DENND4C: variants seen among roughly 807,000 people sequenced by gnomAD.
DENND4C encodes DENN domain-containing protein 4C.
A neutral mutation model predicts 203.0 loss-of-function variants in DENND4C; 108 were observed. The observed-to-expected ratio is 0.53, with a 90% CI of 0.46 to 0.62. The LOEUF is 0.62. Ranked by LOEUF, DENND4C falls within the 20% of genes least tolerant of loss-of-function variation. The pLI, the probability that DENND4C is intolerant of heterozygous loss-of-function variation, is 0.00. For synonymous variants in DENND4C, 871 were observed against 792.4 expected, an observed-to-expected ratio of 1.10 and a Z score of -1.67; for missense variants, 2,481 against 2,301.2, an observed-to-expected ratio of 1.08 and a Z score of -1.60.
intron 3 of DENND4C, among the ~76,000 whole-genome samples, chr9:19,288,302 A>G (rs1028657625): frequency 1.3e-5 from 2 of 152,082 alleles, no homozygotes; most frequent in African/African-American, 4.8e-5. Context: ...TCCAGTGCAC[A>G]CTCCGTTTTG....
chr9:19,299,126 T>C (rs1220667033), intron 7 of DENND4C, 103 bp from the exon 8 acceptor site: 1 of 794,962 alleles, frequency 1.3e-6, no homozygotes, highest in Non-Finnish European at 1.9e-6. Context: ...GTTTTCAATA[T>C]TACCTTTGAT....
At chr9:19,325,763 A>T (rs563877063) in intron 13 of DENND4C, among the ~76,000 whole-genome samples, 176 bp from the exon 14 acceptor site, 24 of 152,316 alleles carry the variant, frequency 1.6e-4, no homozygotes, top group African/African-American at 5.3e-4. Context: ...AGCCACAAGT[A>T]AAAAATTATG....
At position 19,331,990 on chromosome 9, in the gene DENND4C, G is replaced by A; in HGVS notation, c.2266G>A (p.Ala756Thr). The change falls in exon 17 of 33, where the codon GCT becomes ACT. Residue 756 changes from alanine (A) to threonine (T), a missense_variant. Physicochemically the swap from Ala to Thr is moderately conservative, Grantham distance 58 (BLOSUM62 0). Transcript: ENST00000434457. ...ATTCTCTTTCTAGGAAATAAAAACA[G>A]CTCATAAATTGGCGAAGAGATGTTA... is the stretch of plus-strand genomic sequence containing the variant. Reference protein sequence around the residue: ...AKRTKQEIKTAHKLAKRCYTN... With the variant: ...AKRTKQEIKTTHKLAKRCYTN... The A allele has an allele frequency of 6.2e-7, 1 of 1,613,292 alleles. No homozygotes were observed. Among genetic ancestry groups the A allele is most frequent in the Non-Finnish European group, 8.5e-7 (1 of 1,179,626 alleles).
At chr9:19,340,934 T>TTAAAAA in intron 20 of DENND4C, 58 bp from the exon 21 acceptor site, 2 of 1,380,524 alleles carry the variant, frequency 1.4e-6, no homozygotes, top group Non-Finnish European at 1.9e-6. Flanking sequence ...GTGATTTTTA[T>TTAAAAA]ATATGAATTA....
chr9:19,266,327 T>G (rs550531358), intron 1 of DENND4C, among the ~76,000 whole-genome samples: 1 of 152,348 alleles, frequency 6.6e-6, no homozygotes, highest in South Asian at 2.1e-4. Context: ...CTTGTAAATT[T>G]GTTTAAGTTC....
chr9:19,270,258 C>T (rs1279046452), intron 1 of DENND4C, among the ~76,000 whole-genome samples: 1 of 152,166 alleles, frequency 6.6e-6, no homozygotes, highest in African/African-American at 2.4e-5. Context: ...GTAATATTGC[C>T]TGGCTACCAC....
intron 26 of DENND4C, 114 bp from the exon 27 acceptor site, chr9:19,356,858 T>C: frequency 9.9e-7 from 1 of 1,005,530 alleles, no homozygotes; most frequent in Middle Eastern, 2.5e-4. Context: ...CCTTCTGGAT[T>C]ATATATAATT....
chr9:19,285,708 A>G (rs545663238), intron 2 of DENND4C, among the ~76,000 whole-genome samples: 1 of 151,302 alleles, frequency 6.6e-6, no homozygotes, highest in African/African-American at 2.4e-5. Context: ...TCTTACATTG[A>G]TTTTGATCCA....
intron 1 of DENND4C, among the ~76,000 whole-genome samples, chr9:19,238,989 G>A (rs1443184353): frequency 6.6e-6 from 1 of 151,754 alleles, no homozygotes; most frequent in East Asian, 1.9e-4. Flanking sequence ...ATGTCTAGAG[G>A]ACCTGTAACG....
chr9:19,327,970 G>C, intron 15 of DENND4C, 60 bp from the exon 16 acceptor site: 4 of 1,466,116 alleles, frequency 2.7e-6, no homozygotes, highest in Non-Finnish European at 3.7e-6. Context: ...CTAAACGCTG[G>C]AATAATATGA....
intron 14 of DENND4C, 24 bp downstream of exon 14, chr9:19,325,998 G>C: frequency 1.9e-6 from 3 of 1,608,044 alleles, no homozygotes; most frequent in East Asian, 2.2e-5. Flanking sequence ...AGATTTTAAG[G>C]GTTGAAATTT....
chr9:19,273,429 T>C (rs1832189623), intron 1 of DENND4C, among the ~76,000 whole-genome samples: 1 of 151,988 alleles, frequency 6.6e-6, no homozygotes, highest in Non-Finnish European at 1.5e-5. Flanking sequence ...TGTAAGAGAA[T>C]AGGTTAATAA....
rs1158775488 is a variant in DENND4C at position 19,298,053 on chromosome 9, T to C, written c.1041-3T>C. On this transcript the variant is annotated splice_polypyrimidine_tract_variant and splice_region_variant and intron_variant, in intron 6 of 32. Coordinates refer to ENST00000434457, the MANE Select transcript of DENND4C (RefSeq NM_001330640.2). The stretch of plus-strand genomic sequence containing the variant: ...TATATTTATTTCAAATTTTTTTTTC[T>C]AGGCACATTTCACATTTTATGCAAA... 1.2e-6 allele frequency: 2 copies of C among 1,605,804 alleles called. No individual in the cohort carries two copies. Among genetic ancestry groups the C allele is most frequent in the Non-Finnish European group, 1.7e-6 (2 of 1,176,126 alleles).
chr9:19,356,772 A>AAT (rs1211125729), intron 26 of DENND4C, among the ~76,000 whole-genome samples, 200 bp from the exon 27 acceptor site: 6 of 143,640 alleles, frequency 4.2e-5, no homozygotes, highest in African/African-American at 1.7e-4. Flanking sequence ...TGAGAGCAGG[A>AAT]ATGTGTGTGT....
intron 1 of DENND4C, among the ~76,000 whole-genome samples, chr9:19,252,462 A>G (rs1826870079): frequency 1.3e-5 from 2 of 152,116 alleles, no homozygotes; most frequent in South Asian, 4.1e-4. Flanking sequence ...ATCTGTAGTC[A>G]TAGCTACTCA....
At chr9:19,347,941 T>C (rs958298391) in intron 23 of DENND4C, among the ~76,000 whole-genome samples, 1 of 152,224 alleles carries the variant, frequency 6.6e-6, no homozygotes, top group Non-Finnish European at 1.5e-5. Flanking sequence ...ATTAGATCTT[T>C]TGGTAAAAAC....
chr9:19,332,171 A>C lies in DENND4C; in HGVS notation c.2447A>C (p.Asp816Ala), dbSNP rs777972472. Residue 816 changes from aspartate to alanine, a missense_variant, in exon 17 of 33, where the codon GAT (aspartate) becomes GCT (alanine). Physicochemically the swap from Asp to Ala is moderately radical, Grantham distance 126. Around this residue, in one of 3 missense-constraint regions of DENND4C, gnomAD observed 2,289 missense variants for 2,113.3 expected, o/e 1.08. Transcript: ENST00000434457. The part of the protein sequence containing the change: ...VLIKMRKTDV[D>A]PLDEVCYRVV... ...ATTAAGATGAGGAAAACAGATGTGG[A>C]TCCCTTAGATGAGGCAAGTATAACA... The C allele has an allele frequency of 1.2e-6, 2 of 1,613,742 alleles. No homozygotes were observed. The highest frequency in any genetic ancestry group is 1.7e-6 in the Non-Finnish European group (2 of 1,179,732).
Position 19,346,003 on chromosome 9 carries a change from T to A in DENND4C, c.3234T>A (p.Asn1078Lys), listed in dbSNP as rs1467117113. Residue 1078 changes from asparagine (N) to lysine (K), a missense_variant, in exon 23 of 33, where the codon AAT becomes AAA. By Grantham distance (94) the Asn-to-Lys change is moderately conservative. Coordinates refer to ENST00000434457, the MANE Select transcript of DENND4C (RefSeq NM_001330640.2). ...GCGAAGCTACTAATCTCAAGAAGAA[T>A]GGTGATAGAGGAGAAAAAAGACAAA... Reference protein sequence around the residue: ...VFGEATNLKKNGDRGEKRQKH... With the variant: ...VFGEATNLKKKGDRGEKRQKH... 1 of 1,614,124 alleles carries A rather than the reference T, an allele frequency of 6.2e-7. No individual in the cohort carries two copies. Among genetic ancestry groups the A allele is most frequent in the South Asian group, 1.1e-5 (1 of 91,086 alleles).
chr9:19,371,585 A>T (rs1828838511), intron 31 of DENND4C, 171 bp from the exon 32 acceptor site: 1 of 414,446 alleles, frequency 2.4e-6, no homozygotes, highest in Non-Finnish European at 4.4e-6. Flanking sequence ...GCTTCCTCCA[A>T]ATGTGACACC....
Sources: gnomAD v4.1 joint callset for allele counts (sites outside exome capture counted in the v4.1 genomes callset) on GRCh38, gnomAD v4.1.1 for gene constraint, gnomAD v4.1.1 regional missense constraint, MANE v1.5 for transcripts, NCBI Gene and HGNC (gene_info 2026-07-23, HGNC 2026-07-21) for gene names.